Variants in STAG2 observed in about 807,000 individuals in gnomAD.
STAG2 encodes STAG2 cohesin complex component.
In STAG2, 14 loss-of-function variants were observed where a neutral mutation model predicts 108.1. The observed-to-expected ratio is 0.13, with a 90% CI of 0.09 to 0.20. The LOEUF is 0.20. Among genes scored for constraint, STAG2 ranks in the 10% least tolerant of loss-of-function variants. STAG2 has a pLI of 1.00. For synonymous variants in STAG2, 307 were observed against 302.7 expected (o/e 1.01, Z -0.15); for missense variants, 440 against 940.9 (o/e 0.47, Z 6.96).
chrX:123,964,737 A>G lies in STAG2; in HGVS notation c.-163+2881A>G, dbSNP rs771899449. 5.6e-5 allele frequency among the ~76,000 whole-genome samples: 6 copies of G among 107,527 alleles called. No individual in the cohort carries two copies. In the South Asian group the frequency reaches 2.5e-3, roughly 45 times the overall value. The allele number at this position is 107,527 out of a possible 115,157, so 93.4% of individuals were successfully genotyped here. On this transcript the variant is annotated intron_variant, in intron 1 of 34. Transcript: ENST00000371145. Reference sequence around the variant, plus strand: ...GAGTGGGTTTTTTTTTTTTTAACTGATAAGAAAATGAGTGTTTACATTTAA... The same window carrying G: ...GAGTGGGTTTTTTTTTTTTTAACTGGTAAGAAAATGAGTGTTTACATTTAA...
intron 1 of STAG2, among the ~76,000 whole-genome samples, chrX:123,981,866 G>A (rs1449408966): frequency 9.0e-6 from 1 of 111,310 alleles, no homozygotes; most frequent in Non-Finnish European, 1.9e-5. Context: ...TTACAAAAAC[G>A]TTAAGCACAG....
intron 5 of STAG2, among the ~76,000 whole-genome samples, chrX:124,035,811 A>C (rs1482923458): frequency 8.9e-6 from 1 of 111,912 alleles, no homozygotes; most frequent in East Asian, 2.8e-4. Context: ...ATGTCCTGAG[A>C]GAAGTGTCCA....
At chrX:124,094,672 A>G (rs1234191861) in intron 33 of STAG2, among the ~76,000 whole-genome samples, 1 of 111,335 alleles carries the variant, frequency 9.0e-6, no homozygotes, top group Non-Finnish European at 1.9e-5. Flanking sequence ...TCATCTTGCT[A>G]CATATCTCAT....
At chrX:123,981,999 G>C (rs1430610735) in intron 1 of STAG2, among the ~76,000 whole-genome samples, 3 of 110,250 alleles carry the variant, frequency 2.7e-5, no homozygotes, top group Non-Finnish European at 5.7e-5. Context: ...CACTACCCCT[G>C]GCCACCTACC....
At chrX:123,998,485 GTT>G (rs767817877) in intron 1 of STAG2, among the ~76,000 whole-genome samples, 2 of 92,651 alleles carry the variant, frequency 2.2e-5, no homozygotes. Flanking sequence ...GTGTGTATGT[GTT>G]TTTTTTTTTT....
At chrX:123,969,901 C>T (rs948703960) in intron 1 of STAG2, among the ~76,000 whole-genome samples, 66 of 108,000 alleles carry the variant, frequency 6.1e-4, no homozygotes, top group Admixed American at 1.5e-3. Flanking sequence ...CCCATCTCCA[C>T]CCCACAAAGT....
intron 1 of STAG2, among the ~76,000 whole-genome samples, chrX:123,978,406 T>G (rs1189748716): frequency 9.0e-6 from 1 of 110,509 alleles, no homozygotes; most frequent in Non-Finnish European, 1.9e-5. Flanking sequence ...ACATGTGGTG[T>G]TTGGTTTTCT....
At chrX:123,976,735 C>T (rs753473218) in intron 1 of STAG2, among the ~76,000 whole-genome samples, 42 of 111,735 alleles carry the variant, frequency 3.8e-4, no homozygotes, top group Admixed American at 1.9e-3. Context: ...CTCACAACAA[C>T]CCTATTGAGG....
At chrX:124,033,533 A>C (rs951642550) in intron 5 of STAG2, among the ~76,000 whole-genome samples, 15 of 111,734 alleles carry the variant, frequency 1.3e-4, no homozygotes, top group African/African-American at 4.9e-4. Flanking sequence ...AGGCCAAGGT[A>C]GGTGGATCGC....
At chrX:124,003,101 G>A (rs898488897) in intron 1 of STAG2, among the ~76,000 whole-genome samples, 46 of 109,075 alleles carry the variant, frequency 4.2e-4, no homozygotes, top group African/African-American at 1.4e-3. Context: ...CCGAGTAGCT[G>A]GGATTACAGG....
At chrX:124,029,019 T>A (rs1270818937) in intron 4 of STAG2, among the ~76,000 whole-genome samples, 9 of 101,413 alleles carry the variant, frequency 8.9e-5, no homozygotes, top group African/African-American at 2.9e-4. Context: ...ATATATTTAT[T>A]TATTTATTTA....
intron 25 of STAG2, among the ~76,000 whole-genome samples, chrX:124,072,738 C>T (rs776282157): frequency 1.5e-4 from 16 of 109,241 alleles, no homozygotes; most frequent in Non-Finnish European, 2.9e-4. Context: ...TCTCACTCTG[C>T]TATCCAGGGT....
intron 29 of STAG2, among the ~76,000 whole-genome samples, chrX:124,084,783 A>G (rs891797081): frequency 3.6e-5 from 4 of 112,624 alleles, no homozygotes; most frequent in Non-Finnish European, 7.5e-5. Context: ...AACAAATACC[A>G]TTTCTCACCT....
intron 34 of STAG2, among the ~76,000 whole-genome samples, chrX:124,095,826 G>A (rs983279699): frequency 6.4e-5 from 7 of 109,957 alleles, no homozygotes; most frequent in African/African-American, 2.3e-4. Context: ...AATGAGGGGC[G>A]TCATATAAAG....
At chrX:124,064,124 A>G (rs1384237164) in intron 20 of STAG2, 73 bp downstream of exon 20, 10 of 775,255 alleles carry the variant, frequency 1.3e-5, no homozygotes, top group Non-Finnish European at 1.9e-5. Context: ...TAGTCACCCA[A>G]GTGTTAAGTC....
chrX:124,016,176 ATTGCCCAGACTGG>A (rs1212845468), intron 1 of STAG2, among the ~76,000 whole-genome samples: 2 of 109,500 alleles, frequency 1.8e-5, no homozygotes, highest in African/African-American at 6.7e-5. Context: ...GTCTCACTCT[ATTGCCCAGACTGG>A]AGTGCAGTGG....
chrX:124,089,977 G>A (rs1284866150), intron 30 of STAG2, among the ~76,000 whole-genome samples: 2 of 108,560 alleles, frequency 1.8e-5, no homozygotes, highest in Admixed American at 1.0e-4. Flanking sequence ...CCTAGCCAAC[G>A]TGCTGAAACC....
chrX:124,075,168 G>A (rs2058767269), intron 25 of STAG2, among the ~76,000 whole-genome samples: 1 of 112,025 alleles, frequency 8.9e-6, no homozygotes, highest in African/African-American at 3.2e-5. Context: ...TTTTGATATT[G>A]GGAACCTTAT....
intron 1 of STAG2, among the ~76,000 whole-genome samples, chrX:124,009,418 G>A (rs1039932769): frequency 7.6e-5 from 6 of 79,413 alleles, no homozygotes; most frequent in African/African-American, 2.4e-4. Flanking sequence ...TAGGTAGGTA[G>A]GTAGGTAGGT....
Sources: allele counts gnomAD v4.1 joint callset (sites outside exome capture counted in the v4.1 genomes callset), GRCh38; gene constraint gnomAD v4.1.1; transcripts MANE v1.5; gene names NCBI Gene and HGNC (gene_info 2026-07-23, HGNC 2026-07-21).